Variants in TOR1AIP2 observed in about 807,000 individuals in gnomAD.
TOR1AIP2 encodes the protein torsin 1A interacting protein 2.
TOR1AIP2 carries 20 observed loss-of-function variants against 32.6 expected under a neutral mutation model. That is an observed-to-expected ratio of 0.61 (90% CI 0.43 to 0.89). The LOEUF (loss-of-function observed/expected upper bound fraction) is 0.89, where lower values mean the gene tolerates loss of function less well. TOR1AIP2 is among the 40% of genes least tolerant of loss of function. The probability of loss-of-function intolerance (pLI) is 0.00; values close to 1 mark genes in which losing one functional copy is unlikely to be tolerated. For synonymous variants in TOR1AIP2, 214 were observed against 210.8 expected (o/e 1.02, Z -0.13); for missense variants, 456 against 553.8 (o/e 0.82, Z 1.77).
In TOR1AIP2 at chr1:179,858,934, G is replaced by A. The variant is rs953567771; in HGVS notation, c.-146-6123C>T. Reference sequence around the variant, plus strand: ...ATTTTTTAAATGGAGAAGGAAATTAGAAGTTTAGCAGCCAAGAAGAGCACA... The same window carrying A: ...ATTTTTTAAATGGAGAAGGAAATTAAAAGTTTAGCAGCCAAGAAGAGCACA... On this transcript the variant is annotated intron_variant, in intron 3 of 6. Coordinates refer to ENST00000609928, the MANE Select transcript of TOR1AIP2 (RefSeq NM_001199260.2). The A allele has an allele frequency of 7.7e-6, 6 of 783,640 alleles. No homozygotes were observed. In the African/African-American group the frequency reaches 1.1e-4, roughly 15 times the overall value. 48.5% of individuals were successfully genotyped at this position (783,640 alleles called of 1,614,324 possible).
At chr1:179,859,244 A>G in intron 3 of TOR1AIP2, 1 of 883,558 alleles carries the variant, frequency 1.1e-6, no homozygotes, top group Non-Finnish European at 1.4e-6. Context: ...CATTCACAGC[A>G]CTTTATTAAC....
At position 179,841,782 on chromosome 1, in the gene TOR1AIP2, T is replaced by C. The variant is rs1258212047; in HGVS notation, c.*4289A>G. The C allele has an allele frequency of 1.3e-5, 2 of 152,268 alleles. No homozygotes were observed. The highest frequency in any genetic ancestry group is 2.1e-4 in the South Asian group (1 of 4,838). The allele number at this position is 152,268 out of a possible 1,614,324, so 9.4% of individuals were successfully genotyped here. On this transcript the variant is annotated 3_prime_UTR_variant, in exon 7 of 7. Coordinates refer to ENST00000609928, the MANE Select transcript of TOR1AIP2 (RefSeq NM_001199260.2). ...ATGTCGCATAAAGTTTGGTCAGATATATGCAAATGCAGTGTTGGTGAAGAT... is the reference window on the plus strand; with the variant it reads ...ATGTCGCATAAAGTTTGGTCAGATACATGCAAATGCAGTGTTGGTGAAGAT...
At chr1:179,871,551 T>C (rs1697012046) in intron 2 of TOR1AIP2, among the ~76,000 whole-genome samples, 1 of 152,226 alleles carries the variant, frequency 6.6e-6, no homozygotes, top group Non-Finnish European at 1.5e-5. Flanking sequence ...TGTGGTAGCA[T>C]AATAATTAAG....
At chr1:179,859,537 A>G in intron 3 of TOR1AIP2, 1 of 985,456 alleles carries the variant, frequency 1.0e-6, no homozygotes, top group Non-Finnish European at 1.2e-6. Flanking sequence ...ATTTGTACAT[A>G]TCCTTCAACT....
At chr1:179,873,974 C>A (rs1367252552) in intron 2 of TOR1AIP2, 1 of 152,174 alleles carries the variant, frequency 6.6e-6, no homozygotes, top group Non-Finnish European at 1.5e-5. Context: ...TTTCTCTGCT[C>A]CCGCACTAAA....
intron 4 of TOR1AIP2, 39 bp from the exon 5 acceptor site, chr1:179,851,402 T>A: frequency 7.0e-7 from 1 of 1,426,690 alleles, no homozygotes; most frequent in Non-Finnish European, 9.2e-7. Context: ...TTGGAAAAAA[T>A]TCCCCATAAA....
intron 3 of TOR1AIP2, among the ~76,000 whole-genome samples, chr1:179,857,357 A>G (rs535478391): frequency 6.6e-6 from 1 of 152,336 alleles, no homozygotes; most frequent in South Asian, 2.1e-4. Flanking sequence ...CAAGGCTTGT[A>G]ACAGGTGAAG....
intron 3 of TOR1AIP2, among the ~76,000 whole-genome samples, chr1:179,854,396 AAATT>A (rs1222301982): frequency 2.0e-5 from 3 of 152,224 alleles, no homozygotes; most frequent in African/African-American, 7.2e-5. Context: ...AATTTTCTCC[AAATT>A]AATCTACAAA....
At chr1:179,859,911 T>C in intron 3 of TOR1AIP2, 1 of 872,254 alleles carries the variant, frequency 1.1e-6, no homozygotes, top group African/African-American at 1.8e-5. Flanking sequence ...CACTGCAGCC[T>C]CAAGCTCATA....
intron 5 of TOR1AIP2, among the ~76,000 whole-genome samples, chr1:179,848,438 A>T (rs1695999224): frequency 1.3e-5 from 2 of 152,234 alleles, no homozygotes; most frequent in Non-Finnish European, 2.9e-5. Flanking sequence ...TACAGAAGCA[A>T]ATTTGAAACT....
At chr1:179,862,646 T>TG in intron 3 of TOR1AIP2, 1 of 985,390 alleles carries the variant, frequency 1.0e-6, no homozygotes, top group East Asian at 1.1e-4. Context: ...AAAAGAGCCC[T>TG]GGTCAGGCAC....
intron 3 of TOR1AIP2, chr1:179,861,075 C>A (rs2148442202): frequency 1.0e-6 from 1 of 985,350 alleles, no homozygotes; most frequent in Middle Eastern, 5.2e-4. Flanking sequence ...CTTTTCACTC[C>A]CTGGACTGCC....
At chr1:179,862,702 T>C in intron 3 of TOR1AIP2, 2 of 958,336 alleles carry the variant, frequency 2.1e-6, no homozygotes, top group Non-Finnish European at 2.5e-6. Flanking sequence ...TCAGGGCAGG[T>C]GGATCATCTG....
rs1695829009 is a variant in TOR1AIP2, at chr1:179,844,531, C to G, written c.*1540G>C. ...TAATGGAACAGACCCTTTGTTAGGT[C>G]GAGATCATTTTACTAGAGTTCTGCT... On this transcript the variant is annotated 3_prime_UTR_variant, in exon 7 of 7. Transcript: ENST00000609928. The G allele has an allele frequency of 6.6e-6, 1 of 152,102 alleles. No homozygotes were observed. Among genetic ancestry groups the G allele is most frequent in the Admixed American group, 6.5e-5 (1 of 15,276 alleles). The allele number at this position is 152,102 out of a possible 1,614,324, so 9.4% of individuals were successfully genotyped here. A position where few individuals can be genotyped will look rare whatever the true frequency, so the allele number is the denominator to read the frequency against.
rs539395288 is a variant in TOR1AIP2, at chr1:179,861,467, GTGATGTT to G, written c.-147+3962_-147+3968del. 6.7e-3 allele frequency: 6,606 copies of G among 985,272 alleles called. 36 individuals carry two copies. Among genetic ancestry groups the G allele is most frequent in the South Asian group, 0.018 (388 of 21,274 alleles). 61.0% of individuals were successfully genotyped at this position (985,272 alleles called of 1,614,324 possible). A position where few individuals can be genotyped will look rare whatever the true frequency, so the allele number is the denominator to read the frequency against. The stretch of plus-strand genomic sequence containing the variant: ...TGACAGCTTATCATATAACAGGTAT[GTGATGTT>G]TGAAGGCAAAGTAACCCTCTTAATA... On this transcript the variant is annotated intron_variant, in intron 3 of 6. Coordinates refer to ENST00000609928, the MANE Select transcript of TOR1AIP2 (RefSeq NM_001199260.2).
intron 3 of TOR1AIP2, chr1:179,864,798 G>A (rs778900899): frequency 1.3e-6 from 2 of 1,599,824 alleles, no homozygotes; most frequent in South Asian, 2.3e-5. Context: ...TTTTGGCCCA[G>A]TTTTTTGTTT....
chr1:179,847,304 T>G (rs978438864), intron 6 of TOR1AIP2, among the ~76,000 whole-genome samples: 1 of 152,234 alleles, frequency 6.6e-6, no homozygotes, highest in Non-Finnish European at 1.5e-5. Flanking sequence ...AAGCCTTTCC[T>G]ATTGTGAGAA....
rs1167364417 is a variant in TOR1AIP2, at chr1:179,843,032, G to A, written c.*3039C>T. 1.7e-5 allele frequency: 2 copies of A among 117,294 alleles called. No individual in the cohort carries two copies. The highest frequency in any genetic ancestry group is 3.2e-5 in the Non-Finnish European group (2 of 61,710). 7.3% of individuals were successfully genotyped at this position (117,294 alleles called of 1,614,324 possible). On this transcript the variant is annotated 3_prime_UTR_variant, in exon 7 of 7. Transcript: ENST00000609928. ...CCACTGCACTCCAGCCTGGGCAACAGAGCAAGACTCCATCTCAAAAAAAAA... is the reference window on the plus strand; with the variant it reads ...CCACTGCACTCCAGCCTGGGCAACAAAGCAAGACTCCATCTCAAAAAAAAA...
intron 3 of TOR1AIP2, chr1:179,865,050 T>C (rs992850188): frequency 1.2e-6 from 2 of 1,613,940 alleles, no homozygotes; most frequent in African/African-American, 2.7e-5. Context: ...GCTCTGTTAA[T>C]ACGGTCTAAG....
Sources: allele counts gnomAD v4.1 joint callset (sites outside exome capture counted in the v4.1 genomes callset), GRCh38; gene constraint gnomAD v4.1.1; transcripts MANE v1.5; gene names NCBI Gene and HGNC (gene_info 2026-07-23, HGNC 2026-07-21).